Variants in VPS11 observed in about 807,000 individuals in gnomAD.
VPS11 encodes VPS11 core subunit of CORVET and HOPS complexes.
In VPS11, 51 loss-of-function variants were observed where a neutral mutation model predicts 106.8. The ratio of observed to expected loss-of-function variants is 0.48; its 90% CI spans 0.38 to 0.60. VPS11 has a LOEUF of 0.60. Among genes scored for constraint, VPS11 ranks in the 20% least tolerant of loss-of-function variants. VPS11 has a pLI of 0.00. For synonymous variants in VPS11, 453 were observed against 458.7 expected (o/e 0.99, Z 0.16); for missense variants, 950 against 1,190.0 (o/e 0.80, Z 2.97).
Position 119,081,830 on chromosome 11 carries a change from A to G in VPS11, c.*207A>G. On this transcript the variant is annotated 3_prime_UTR_variant, in exon 16 of 16. Coordinates refer to ENST00000621676, the MANE Select transcript of VPS11 (RefSeq NM_021729.6). ...TCCCTCCTCTTCACTAGCAGTGTAG[A>G]TCATTCCAGATCAGTGGGGGAGGGC... 1 of 662,800 alleles carries G rather than the reference A, an allele frequency of 1.5e-6. No homozygotes were observed. Among genetic ancestry groups the G allele is most frequent in the Non-Finnish European group, 2.5e-6 (1 of 402,056 alleles). 41.1% of individuals were successfully genotyped at this position (662,800 alleles called of 1,614,324 possible). A position where few individuals can be genotyped will look rare whatever the true frequency, so the allele number is the denominator to read the frequency against.
In VPS11 at chr11:119,077,062, G is replaced by C. The variant is rs782462249; in HGVS notation, c.1404G>C (p.Ser468=). The C allele has an allele frequency of 6.2e-7, 1 of 1,612,606 alleles. No homozygotes were observed. Among genetic ancestry groups the C allele is most frequent in the Non-Finnish European group, 8.5e-7 (1 of 1,179,256 alleles). The change falls in exon 8 of 16, where the codon TCG becomes TCC. Residue 468 remains serine, a synonymous_variant. Transcript: ENST00000621676. ...LNCYTKLKDS[S]KLEEFIKKKS... is the part of the protein sequence containing the mutation. Reference sequence around the variant, plus strand: ...GCTATACCAAGCTCAAGGACAGCTCGAAGCTGGAGGAGTTCATCAAGGTGC... The same window carrying C: ...GCTATACCAAGCTCAAGGACAGCTCCAAGCTGGAGGAGTTCATCAAGGTGC...
At position 119,073,142 on chromosome 11, in the gene VPS11, T is replaced by C; in HGVS notation, c.885-56T>C. 1.9e-6 allele frequency: 3 copies of C among 1,554,272 alleles called. No homozygotes were observed. The South Asian group carries it at 3.5e-5, about 18-fold the overall frequency. On this transcript the variant is annotated intron_variant, in intron 5 of 15. Transcript: ENST00000621676. ...ACCAAAGTTATCATGGGAAAGGAAA[T>C]AGGGGAGATAAGACAGAGATGTCCA...
chr11:119,068,313 T>C (rs1274313978), intron 1 of VPS11: 1 of 401,998 alleles, frequency 2.5e-6, no homozygotes, highest in Non-Finnish European at 4.4e-6. Flanking sequence ...GCAAGTTGGC[T>C]TTAAAAGATG....
rs1368797486 is a variant in VPS11 at position 119,073,389 on chromosome 11, C to G, written c.1076C>G (p.Thr359Ser). Reference protein sequence around the residue: ...VHALQEKDTQTKLEMLFKKNL... With the variant: ...VHALQEKDTQSKLEMLFKKNL... ...GCACTGCAGGAGAAGGACACACAGA[C>G]CAAACTGGAGGCAAGGCCACCAGGC... Residue 359 changes from threonine to serine, a missense_variant, in exon 6 of 16, where the codon ACC becomes AGC. By Grantham distance (58) the Thr-to-Ser change is moderately conservative. Coordinates refer to ENST00000621676, the MANE Select transcript of VPS11 (RefSeq NM_021729.6). 4.3e-6 allele frequency: 7 copies of G among 1,612,742 alleles called. No individual in the cohort carries two copies. The highest frequency in any genetic ancestry group is 5.9e-6 in the Non-Finnish European group (7 of 1,179,836).
rs15818 is a variant in VPS11 at position 119,081,463 on chromosome 11, A to G, written c.2666A>G (p.Lys889Arg). Residue 889 changes from lysine to arginine, a missense_variant, in exon 16 of 16, where the codon AAG becomes AGG. Lys to Arg is a conservative substitution (Grantham distance 26). Transcript: ENST00000621676. ...DLHDQFQHQL[K>R]CSNDSFSVIA... ...TTCCCTCCTCTTCTCCTGCAGCTCA[A>G]GTGCTCCAATGACAGCTTTTCTGTG... is the stretch of plus-strand genomic sequence containing the variant. The G allele has an allele frequency of 0.39, 630,921 of 1,613,586 alleles. 126,288 individuals carry two copies. The highest frequency in any genetic ancestry group is 0.47 in the African/African-American group (35,321 of 74,928).
intron 7 of VPS11, 41 bp downstream of exon 7, chr11:119,073,992 G>C: frequency 6.3e-7 from 1 of 1,578,308 alleles, no homozygotes; most frequent in Non-Finnish European, 8.7e-7. Context: ...GTGAATGCAG[G>C]GACAGGCAGC....
chr11:119,071,967 A>G (rs1374724310), intron 5 of VPS11, 124 bp downstream of exon 5: 2 of 1,341,872 alleles, frequency 1.5e-6, no homozygotes, highest in Non-Finnish European at 1.0e-6. Flanking sequence ...TTATGTAGGT[A>G]ACATTTCTGT....
chr11:119,079,883 A>G (rs1285669449), intron 14 of VPS11, among the ~76,000 whole-genome samples: 2 of 152,080 alleles, frequency 1.3e-5, no homozygotes, highest in Non-Finnish European at 2.9e-5. Context: ...CAACTCTGAA[A>G]TCTTACCTGC....
chr11:119,071,715 T>C lies in VPS11; in HGVS notation c.756T>C (p.Asp252=). ...ACCTGCAGTTCATTGTGGCCGGGGA[T>C]GAGTGTGTCTACTTGTACCAGCCTG... ...SQDLQFIVAG[D]ECVYLYQPDE... is the part of the protein sequence containing the mutation. Residue 252 remains aspartate, a synonymous_variant, in exon 5 of 16, where the codon GAT becomes GAC. Coordinates refer to ENST00000621676, the MANE Select transcript of VPS11 (RefSeq NM_021729.6). 1.2e-6 allele frequency: 2 copies of C among 1,614,024 alleles called. No individual in the cohort carries two copies. Among genetic ancestry groups the C allele is most frequent in the Non-Finnish European group, 1.7e-6 (2 of 1,179,886 alleles).
At chr11:119,068,325 A>C in intron 1 of VPS11, 1 of 400,580 alleles carries the variant, frequency 2.5e-6, no homozygotes. Flanking sequence ...TAAAAGATGA[A>C]TATGTAAAGT....
chr11:119,070,465 T>C, intron 4 of VPS11, 68 bp downstream of exon 4: 1 of 1,437,118 alleles, frequency 7.0e-7, no homozygotes, highest in Non-Finnish European at 9.3e-7. Flanking sequence ...GGGGATAGGG[T>C]AATGAAGTGA....
rs1157969820 is a variant in VPS11, at chr11:119,073,283, A to T, written c.970A>T (p.Ser324Cys). ...CCTGTGCAACAAGTTCATAGCCTAT[A>T]GCACCGTCTTTGAGGATGTAGTGGA... The part of the protein sequence containing the change: ...YDLCNKFIAY[S>C]TVFEDVVDVL... Residue 324 changes from serine (S) to cysteine (C), a missense_variant, in exon 6 of 16, where the codon AGC becomes TGC. Transcript: ENST00000621676. 6.2e-7 allele frequency: 1 copy of T among 1,614,040 alleles called. No individual in the cohort carries two copies. The highest frequency in any genetic ancestry group is 1.1e-5 in the South Asian group (1 of 91,084).
rs1219631965 is a variant in VPS11 at position 119,070,344 on chromosome 11, C to T, written c.583C>T (p.Arg195Cys). The change falls in exon 4 of 16, where the codon CGC becomes TGC. Residue 195 changes from arginine to cysteine, a missense_variant. Physicochemically the swap from Arg to Cys is radical, Grantham distance 180 (BLOSUM62 -3). Transcript: ENST00000621676. ...CTATCCTGTAACTGGATTGGCCTTT[C>T]GCCAAGCAGGAAAGACCACTCACTT... is the stretch of plus-strand genomic sequence containing the variant. ...GNYPVTGLAF[R>C]QAGKTTHLFV... The T allele has an allele frequency of 9.9e-6, 16 of 1,613,132 alleles. No individual in the cohort carries two copies. Among genetic ancestry groups the T allele is most frequent in the Non-Finnish European group, 1.3e-5 (15 of 1,179,532 alleles).
chr11:119,079,570 T>C (rs1945771807), intron 14 of VPS11, among the ~76,000 whole-genome samples: 1 of 152,224 alleles, frequency 6.6e-6, no homozygotes, highest in Admixed American at 6.5e-5. Flanking sequence ...GTATTGTGGT[T>C]GGAAGCCGTT....
At chr11:119,068,887 A>G (rs11600545) in intron 1 of VPS11, among the ~76,000 whole-genome samples, 151,334 of 151,336 alleles carry the variant, frequency 1, 75,666 homozygotes, top group Middle Eastern at 1. Context: ...GAGTAGCTGA[A>G]ATTACAGGCA....
chr11:119,076,358 C>T (rs1246037492), intron 7 of VPS11, among the ~76,000 whole-genome samples: 1 of 151,850 alleles, frequency 6.6e-6, no homozygotes, highest in Non-Finnish European at 1.5e-5. Flanking sequence ...GAAACCCTGC[C>T]TCTACTAAAA....
chr11:119,077,029 C>T lies in VPS11; in HGVS notation c.1371C>T (p.Leu457=), dbSNP rs371834293. 5.6e-6 allele frequency: 9 copies of T among 1,613,690 alleles called. No individual in the cohort carries two copies. Among genetic ancestry groups the T allele is most frequent in the African/African-American group, 1.3e-5 (1 of 74,922 alleles). The change falls in exon 8 of 16, where the codon CTC becomes CTT. Residue 457 remains leucine (L), a synonymous_variant. Coordinates refer to ENST00000621676, the MANE Select transcript of VPS11 (RefSeq NM_021729.6). ...SLANADHTTL[L]LNCYTKLKDS... The stretch of plus-strand genomic sequence containing the variant: ...CCAATGCCGACCATACCACCCTGCT[C>T]CTCAACTGCTATACCAAGCTCAAGG...
Position 119,071,779 on chromosome 11 carries a change from C to G in VPS11, c.820C>G (p.Leu274Val). Residue 274 changes from leucine to valine, a missense_variant, in exon 5 of 16, where the codon CTC becomes GTC. Physicochemically the swap from Leu to Val is conservative, Grantham distance 32 (BLOSUM62 1). Transcript: ENST00000621676. ...CTGCTTCGCCTTTGAGGGCCATAAG[C>G]TCATTGCCCACTGGTTTAGAGGCTA... ...GPCFAFEGHKLIAHWFRGYLI... is the reference protein window; with the variant it reads ...GPCFAFEGHKVIAHWFRGYLI... 1 of 1,613,996 alleles carries G rather than the reference C, an allele frequency of 6.2e-7. No homozygotes were observed. The highest frequency in any genetic ancestry group is 8.5e-7 in the Non-Finnish European group (1 of 1,179,892).
Position 119,076,923 on chromosome 11 carries a change from A to C in VPS11, c.1265A>C (p.Tyr422Ser). 1 of 1,613,990 alleles carries C rather than the reference A, an allele frequency of 6.2e-7. No individual in the cohort carries two copies. The highest frequency in any genetic ancestry group is 8.5e-7 in the Non-Finnish European group (1 of 1,179,878). The change falls in exon 8 of 16, where the codon TAC becomes TCC. Residue 422 changes from tyrosine to serine, a missense_variant. Physicochemically the swap from Tyr to Ser is moderately radical, Grantham distance 144 (BLOSUM62 -2). Around this residue, in one of 3 missense-constraint regions of VPS11, gnomAD observed 435 missense variants for 630.2 expected, o/e 0.69. Coordinates refer to ENST00000621676, the MANE Select transcript of VPS11 (RefSeq NM_021729.6). ...IRTIGKLEPSYVIRKFLDAQR... is the reference protein window; with the variant it reads ...IRTIGKLEPSSVIRKFLDAQR... Reference sequence around the variant, plus strand: ...ACCATTGGAAAGTTGGAGCCATCCTACGTGATCCGCAAGTTTCTGGATGCC... The same window carrying C: ...ACCATTGGAAAGTTGGAGCCATCCTCCGTGATCCGCAAGTTTCTGGATGCC...
Sources: gnomAD v4.1 joint callset for allele counts (sites outside exome capture counted in the v4.1 genomes callset) on GRCh38, gnomAD v4.1.1 for gene constraint, gnomAD v4.1.1 regional missense constraint, MANE v1.5 for transcripts, NCBI Gene and HGNC (gene_info 2026-07-23, HGNC 2026-07-21) for gene names.